The following TMPRSS13 variants were observed in gnomAD, a reference collection of about 807,000 sequenced individuals.
TMPRSS13 encodes transmembrane protease serine 13.
Under a neutral mutation model 68.4 loss-of-function variants are expected in TMPRSS13, and 50 were observed. The observed-to-expected ratio is 0.73, with a 90% confidence interval of 0.58 to 0.93. TMPRSS13 has a LOEUF of 0.93. TMPRSS13 is among the 40% of genes least tolerant of loss of function. The probability of loss-of-function intolerance (pLI) is 0.00; values close to 1 mark genes in which losing one functional copy is unlikely to be tolerated. For missense variants in TMPRSS13, 615 were observed against 729.2 expected (o/e 0.84, Z 1.80); for synonymous variants, 267 against 285.8 (o/e 0.93, Z 0.66).
Position 117,902,017 on chromosome 11 carries a change from G to T in TMPRSS13, c.*222C>A. On this transcript the variant is annotated 3_prime_UTR_variant, in exon 13 of 13. Coordinates refer to ENST00000524993, the MANE Select transcript of TMPRSS13 (RefSeq NM_001077263.3). Reference sequence around the variant, plus strand: ...TTTCCAGCCTGGGATTTTGAGAAGAGTTGACAGCTCTGCTGGTTTCTGAAA... The same window carrying T: ...TTTCCAGCCTGGGATTTTGAGAAGATTTGACAGCTCTGCTGGTTTCTGAAA... 1.7e-6 allele frequency: 1 copy of T among 604,798 alleles called. No homozygotes were observed. The highest frequency in any genetic ancestry group is 2.7e-5 in the Admixed American group (1 of 37,190). 37.5% of individuals were successfully genotyped at this position (604,798 alleles called of 1,614,324 possible). A position where few individuals can be genotyped will look rare whatever the true frequency, so the allele number is the denominator to read the frequency against.
rs948256315 is a variant in TMPRSS13 at position 117,904,048 on chromosome 11, T to C, written c.1435A>G (p.Lys479Glu). Residue 479 changes from lysine to glutamate, a missense_variant, in exon 11 of 13, where the codon AAA (lysine) becomes GAA (glutamate). Transcript: ENST00000524993. Reference sequence around the variant, plus strand: ...TCATAGACCAAGTAGTCATTGCATTTCTTGAAGTCGATGAGATTGACCTGC... The same window carrying C: ...TCATAGACCAAGTAGTCATTGCATTCCTTGAAGTCGATGAGATTGACCTGC... ...EVQVNLIDFK[K>E]CNDYLVYDSY... 2 of 1,613,922 alleles carry C rather than the reference T, an allele frequency of 1.2e-6. No individual in the cohort carries two copies. The highest frequency in any genetic ancestry group is 1.7e-6 in the Non-Finnish European group (2 of 1,179,990).
At chr11:117,916,464 C>T (rs1474557332) in intron 3 of TMPRSS13, among the ~76,000 whole-genome samples, 1 of 152,242 alleles carries the variant, frequency 6.6e-6, no homozygotes, top group Non-Finnish European at 1.5e-5. Flanking sequence ...CACTCAAATG[C>T]ATTTGCCCTT....
chr11:117,929,176 A>G, intron 1 of TMPRSS13, 111 bp downstream of exon 1: 2 of 840,486 alleles, frequency 2.4e-6, no homozygotes, highest in Non-Finnish European at 3.5e-6. Context: ...AGGCACAGCC[A>G]GTTTCCCCCA....
chr11:117,925,557 A>G (rs2057697225), intron 1 of TMPRSS13, among the ~76,000 whole-genome samples: 1 of 151,902 alleles, frequency 6.6e-6, no homozygotes, highest in African/African-American at 2.4e-5. Flanking sequence ...GTAGTGACAC[A>G]CTCAGGGCTG....
At chr11:117,924,177 C>CAAAGAAAAGA (rs11269449) in intron 1 of TMPRSS13, among the ~76,000 whole-genome samples, 2,882 of 105,334 alleles carry the variant, frequency 0.027, 268 homozygotes, top group African/African-American at 0.081. Context: ...GACCCCATCT[C>CAAAGAAAAGA]AAAGAAAAGA....
chr11:117,903,067 A>T (rs1235956797), intron 12 of TMPRSS13: 2 of 1,106,452 alleles, frequency 1.8e-6, no homozygotes, highest in East Asian at 6.2e-5. Context: ...TTATTACTTT[A>T]TACTCTTTTA....
Position 117,914,294 on chromosome 11 carries a change from T to A in TMPRSS13, c.679+98A>T. On this transcript the variant is annotated intron_variant, in intron 4 of 12. Coordinates refer to ENST00000524993, the MANE Select transcript of TMPRSS13 (RefSeq NM_001077263.3). This position sits in a 1 kb window ranked among gnomAD's most constrained non-coding sequence, Gnocchi z 4.2. Reference sequence around the variant, plus strand: ...ATACACACACATGCACGCACACATATACACACACAGGCATGCATACACACA... The same window carrying A: ...ATACACACACATGCACGCACACATAAACACACACAGGCATGCATACACACA... The A allele has an allele frequency of 6.6e-7, 1 of 1,510,818 alleles. No homozygotes were observed. Among genetic ancestry groups the A allele is most frequent in the Non-Finnish European group, 9.0e-7 (1 of 1,106,224 alleles). The allele number at this position is 1,510,818 out of a possible 1,614,324, so 93.6% of individuals were successfully genotyped here.
At position 117,902,147 on chromosome 11, in the gene TMPRSS13, G is replaced by A; in HGVS notation, c.*92C>T. 1 of 1,436,566 alleles carries A rather than the reference G, an allele frequency of 7.0e-7. No individual in the cohort carries two copies. The highest frequency in any genetic ancestry group is 9.7e-7 in the Non-Finnish European group (1 of 1,029,780). 89.0% of individuals were successfully genotyped at this position (1,436,566 alleles called of 1,614,324 possible). Reference sequence around the variant, plus strand: ...AGGTGGGAGTCCGATGGTGCCCGGTGGCCATTAGCCCAGATGATGCCACAC... The same window carrying A: ...AGGTGGGAGTCCGATGGTGCCCGGTAGCCATTAGCCCAGATGATGCCACAC... On this transcript the variant is annotated 3_prime_UTR_variant, in exon 13 of 13. Transcript: ENST00000524993.
chr11:117,912,326 T>C (rs2057532256), intron 5 of TMPRSS13, among the ~76,000 whole-genome samples: 1 of 152,208 alleles, frequency 6.6e-6, no homozygotes, highest in African/African-American at 2.4e-5. Context: ...CCCCCAGACC[T>C]ACTGAATAAG....
intron 8 of TMPRSS13, 88 bp from the exon 9 acceptor site, chr11:117,908,872 A>G (rs1436237818): frequency 1.6e-5 from 21 of 1,342,552 alleles, no homozygotes; most frequent in Non-Finnish European, 1.3e-5. Context: ...CCACAGTCAG[A>G]GCACCAGCTT....
intron 9 of TMPRSS13, chr11:117,908,139 C>T (rs2057482377): frequency 1.1e-6 from 1 of 906,938 alleles, no homozygotes; most frequent in African/African-American, 1.7e-5. Flanking sequence ...GTTCCAATCC[C>T]AGAGCTACCA....
At chr11:117,923,766 A>G (rs1415613115) in intron 1 of TMPRSS13, among the ~76,000 whole-genome samples, 2 of 151,100 alleles carry the variant, frequency 1.3e-5, no homozygotes, top group Admixed American at 6.6e-5. Context: ...GCACACCAAC[A>G]CGGCACATGT....
rs114744837 is a variant in TMPRSS13 at position 117,906,370 on chromosome 11, C to T, written c.1283-634G>A. ...TCACTGTTATATATCACTTCATAAGCTCTGAGGACTGGTGTCCCTAGGGGG... is the reference window on the plus strand; with the variant it reads ...TCACTGTTATATATCACTTCATAAGTTCTGAGGACTGGTGTCCCTAGGGGG... On this transcript the variant is annotated intron_variant, in intron 9 of 12. Coordinates refer to ENST00000524993, the MANE Select transcript of TMPRSS13 (RefSeq NM_001077263.3). Among the ~76,000 whole-genome samples, 77 of 152,322 alleles carry T rather than the reference C, an allele frequency of 5.1e-4. 1 individual carries two copies. The highest frequency in any genetic ancestry group is 1.8e-3 in the African/African-American group (75 of 41,584).
chr11:117,919,857 C>A (rs2057625111), intron 1 of TMPRSS13, among the ~76,000 whole-genome samples: 1 of 152,266 alleles, frequency 6.6e-6, no homozygotes, highest in East Asian at 1.9e-4. Flanking sequence ...CTTCTTGAGT[C>A]AGAAGAGCTT....
At position 117,914,749 on chromosome 11, in the gene TMPRSS13, AAG is replaced by A. The variant is rs569181122; in HGVS notation, c.557-237_557-236del. ...AGATTCAAGCAGCCAGCCACCCAGA[AAG>A]AGAGAGAAAGAGAGAGAGAGACAGA... is the stretch of plus-strand genomic sequence containing the variant. On this transcript the variant is annotated intron_variant, in intron 3 of 12. Coordinates refer to ENST00000524993, the MANE Select transcript of TMPRSS13 (RefSeq NM_001077263.3). The surrounding 1 kb of genome is among the most constrained non-coding windows in gnomAD (Gnocchi z 4.2). Among the ~76,000 whole-genome samples the A allele has an allele frequency of 1.8e-4, 28 of 152,172 alleles. No individual in the cohort carries two copies. The South Asian group carries it at 2.7e-3, about 15-fold the overall frequency.
At chr11:117,904,214 T>A in intron 10 of TMPRSS13, 113 bp from the exon 11 acceptor site, 1 of 1,414,020 alleles carries the variant, frequency 7.1e-7, no homozygotes, top group Non-Finnish European at 9.5e-7. Context: ...CTCCTGGGAA[T>A]GGAGGGTGCC....
chr11:117,923,989 C>T (rs2057672813), intron 1 of TMPRSS13, among the ~76,000 whole-genome samples: 1 of 151,870 alleles, frequency 6.6e-6, no homozygotes, highest in Non-Finnish European at 1.5e-5. Context: ...TGGGCCATCC[C>T]TTCGTAAAGC....
chr11:117,912,018 A>C (rs1360557583), intron 5 of TMPRSS13, among the ~76,000 whole-genome samples, 158 bp from the exon 6 acceptor site: 2 of 151,836 alleles, frequency 1.3e-5, no homozygotes, highest in Non-Finnish European at 2.9e-5. Context: ...AGCCCCAATA[A>C]AGTGCAGCCC....
chr11:117,913,958 A>G (rs901715047), intron 4 of TMPRSS13, 52 bp from the exon 5 acceptor site: 27 of 1,595,430 alleles, frequency 1.7e-5, no homozygotes, highest in Non-Finnish European at 2.1e-5. Context: ...GGAAGCATCA[A>G]GCTCTTGGGG....
Sources: gnomAD v4.1 joint callset for allele counts (sites outside exome capture counted in the v4.1 genomes callset) on GRCh38, gnomAD v4.1.1 for gene constraint, Gnocchi (gnomAD v3.1) non-coding constraint, MANE v1.5 for transcripts, NCBI Gene and HGNC (gene_info 2026-07-23, HGNC 2026-07-21) for gene names.